BICDL2: variants seen among roughly 807,000 people sequenced by gnomAD.
The protein encoded by BICDL2 is BICD family-like cargo adapter 2.
A neutral mutation model predicts 56.6 loss-of-function variants in BICDL2; 62 were observed. The ratio of observed to expected loss-of-function variants is 1.10; its 90% confidence interval spans 0.89 to 1.35. The LOEUF is 1.35. Ranked by LOEUF, BICDL2 falls within the 40% of genes most tolerant of loss-of-function variation. The probability of loss-of-function intolerance (pLI) is 0.00; values close to 1 mark genes in which losing one functional copy is unlikely to be tolerated. For synonymous variants in BICDL2, 358 were observed against 319.8 expected (o/e 1.12, Z -1.27); for missense variants, 808 against 684.5 (o/e 1.18, Z -2.01).
Position 3,027,756 on chromosome 16 carries a change from C to T in BICDL2, c.*350G>A, listed in dbSNP as rs1301525688. 1.5e-6 allele frequency: 2 copies of T among 1,341,426 alleles called. No individual in the cohort carries two copies. The highest frequency in any genetic ancestry group is 2.6e-5 in the Admixed American group (1 of 38,810). 83.1% of individuals were successfully genotyped at this position (1,341,426 alleles called of 1,614,324 possible). On this transcript the variant is annotated 3_prime_UTR_variant, in exon 10 of 10. Transcript: ENST00000572449. ...TAAAGTTTCAGGCTTTTTTACCATG[C>T]TCTTTCTTTCTATGAATGGGGGCCA...
chr16:3,031,688 G>C, intron 2 of BICDL2: 1 of 401,714 alleles, frequency 2.5e-6, no homozygotes, highest in African/African-American at 2.1e-5. Flanking sequence ...GATGAATCGG[G>C]GGTTAACCTC....
intron 2 of BICDL2, chr16:3,031,441 G>A (rs1955653145): frequency 3.7e-6 from 2 of 535,102 alleles, no homozygotes; most frequent in African/African-American, 3.8e-5. Flanking sequence ...CTGGACCTGA[G>A]GTCGCAAGCG....
chr16:3,031,953 A>G (rs1955662928), intron 2 of BICDL2: 1 of 154,034 alleles, frequency 6.5e-6, no homozygotes, highest in African/African-American at 2.4e-5. Context: ...TTATTTTGAG[A>G]CAGATCTTTA....
intron 2 of BICDL2, among the ~76,000 whole-genome samples, chr16:3,033,348 A>G (rs925674102): frequency 4.0e-5 from 6 of 151,858 alleles, no homozygotes; most frequent in Non-Finnish European, 8.8e-5. Flanking sequence ...GACTCAGGAG[A>G]AGGTGGCTGG....
At chr16:3,028,597 C>G (rs1955595483) in intron 8 of BICDL2, 103 bp downstream of exon 8, 1 of 1,503,426 alleles carries the variant, frequency 6.7e-7, no homozygotes, top group African/African-American at 1.6e-5. Context: ...CAGGGGGCCC[C>G]TGGGTGGGAG....
intron 5 of BICDL2, 163 bp from the exon 6 acceptor site, chr16:3,029,902 C>A: frequency 1.7e-6 from 1 of 595,992 alleles, no homozygotes; most frequent in Non-Finnish European, 2.8e-6. Flanking sequence ...CCGTGCACCT[C>A]CCTCAGCGGA....
Position 3,031,565 on chromosome 16 carries a change from C to T in BICDL2, c.283-415G>A, listed in dbSNP as rs576306586. 5.8e-5 allele frequency: 24 copies of T among 415,600 alleles called. No homozygotes were observed. In the South Asian group the frequency reaches 1.6e-3, roughly 28 times the overall value. The allele number at this position is 415,600 out of a possible 1,614,324, so 25.7% of individuals were successfully genotyped here. On this transcript the variant is annotated intron_variant, in intron 2 of 9. Coordinates refer to ENST00000572449, the MANE Select transcript of BICDL2 (RefSeq NM_001369667.1). The stretch of plus-strand genomic sequence containing the variant: ...ACTCTGCCCAGCCCCCTCCCCAGCT[C>T]CTCCTAGCCAGTTCCCTCTAATTAA...
In BICDL2 at chr16:3,028,780, C is replaced by T; in HGVS notation, c.1158G>A (p.Arg386=). The part of the protein sequence containing the change: ...ELQSLREELQ[R]QKELRAQEDP... ...CTTCCTGCGCCCGCAGCTCCTTCTG[C>T]CTCTGCAGCTCTTCCCGCAGGGACT... The change falls in exon 8 of 10, where the codon AGG becomes AGA. Residue 386 remains arginine (R), a synonymous_variant. Coordinates refer to ENST00000572449, the MANE Select transcript of BICDL2 (RefSeq NM_001369667.1). The T allele has an allele frequency of 6.4e-7, 1 of 1,558,222 alleles. No individual in the cohort carries two copies. Among genetic ancestry groups the T allele is most frequent in the Non-Finnish European group, 8.7e-7 (1 of 1,151,428 alleles).
chr16:3,034,668 CCTTCCTT>C (rs1955702819), intron 2 of BICDL2, among the ~76,000 whole-genome samples: 1 of 143,970 alleles, frequency 6.9e-6, no homozygotes, highest in African/African-American at 2.7e-5. Flanking sequence ...CTCCTTCCTT[CCTTCCTT>C]CCTTCCTTCC....
intron 2 of BICDL2, 125 bp downstream of exon 2, chr16:3,035,090 C>G (rs919369338): frequency 3.4e-5 from 34 of 1,012,324 alleles, no homozygotes; most frequent in South Asian, 2.8e-4. Context: ...AAGTGCCCCC[C>G]TCGCCCGGCT....
At chr16:3,028,564 G>T in intron 8 of BICDL2, 96 bp from the exon 9 acceptor site, 1 of 1,532,844 alleles carries the variant, frequency 6.5e-7, no homozygotes. Context: ...GAGGAGGGCT[G>T]CAAACACCTA....
At position 3,029,441 on chromosome 16, in the gene BICDL2, A is replaced by T. The variant is rs1271640138; in HGVS notation, c.958-12T>A. On this transcript the variant is annotated splice_polypyrimidine_tract_variant and intron_variant, in intron 6 of 9. Transcript: ENST00000572449. ...GGGGACCGGGTGGTCTGTGGGCCAA[A>T]GAAATGGGTTAGTGGTGTGGAGTTT... is the stretch of plus-strand genomic sequence containing the variant. 6.2e-7 allele frequency: 1 copy of T among 1,600,110 alleles called. No individual in the cohort carries two copies. Among genetic ancestry groups the T allele is most frequent in the East Asian group, 2.2e-5 (1 of 44,850 alleles).
At chr16:3,032,947 A>T (rs565577153) in intron 2 of BICDL2, 1 of 152,088 alleles carries the variant, frequency 6.6e-6, no homozygotes, top group Non-Finnish European at 1.5e-5. Flanking sequence ...GAGTGAAATG[A>T]TCTGATTTGC....
chr16:3,036,140 A>T (rs1567425102), intron 1 of BICDL2: 2 of 400,062 alleles, frequency 5.0e-6, no homozygotes, highest in African/African-American at 4.2e-5. Context: ...CCCACCAAGG[A>T]TTCCCACCCC....
rs772583130 is a variant in BICDL2, at chr16:3,028,371, T to G, written c.1336A>C (p.Thr446Pro). The change falls in exon 9 of 10, where the codon ACG (threonine) becomes CCG (proline). Residue 446 changes from threonine (T) to proline (P), a missense_variant. Thr to Pro is a conservative substitution (Grantham distance 38, BLOSUM62 -1). Coordinates refer to ENST00000572449, the MANE Select transcript of BICDL2 (RefSeq NM_001369667.1). ...ACCTGCCAGGCCTCCAGCTCCTGCG[T>G]GAGCGCCACCTTCTGGCGGATGGCG... ...LRAIRQKVAL[T>P]QELEAWQDDM... 6.4e-7 allele frequency: 1 copy of G among 1,550,736 alleles called. No individual in the cohort carries two copies. Among genetic ancestry groups the G allele is most frequent in the South Asian group, 1.2e-5 (1 of 85,644 alleles).
Position 3,031,116 on chromosome 16 carries a change from C to A in BICDL2, c.317G>T (p.Gly106Val), listed in dbSNP as rs748471860. The part of the protein sequence containing the change: ...LQQENHELRR[G>V]LAARGAEWEA... ...CCACTCGGCTCCTCGGGCTGCCAGG[C>A]CTCGCCGGAGCTCATGGTTCTCCTG... Residue 106 changes from glycine (G) to valine (V), a missense_variant, in exon 3 of 10, where the codon GGC becomes GTC. Coordinates refer to ENST00000572449, the MANE Select transcript of BICDL2 (RefSeq NM_001369667.1). The A allele has an allele frequency of 1.3e-6, 2 of 1,535,796 alleles. No homozygotes were observed. The highest frequency in any genetic ancestry group is 2.4e-5 in the South Asian group (2 of 83,962).
intron 8 of BICDL2, 94 bp downstream of exon 8, chr16:3,028,606 A>G: frequency 1.6e-5 from 23 of 1,474,968 alleles, no homozygotes; most frequent in Non-Finnish European, 2.0e-5. Context: ...CCTGGGTGGG[A>G]GTGGGGATCA....
chr16:3,028,759 C>T lies in BICDL2; in HGVS notation c.1179G>A (p.Gln393=), dbSNP rs1405555082. Residue 393 remains glutamine, a synonymous_variant, in exon 8 of 10, where the codon CAG becomes CAA. Coordinates refer to ENST00000572449, the MANE Select transcript of BICDL2 (RefSeq NM_001369667.1). ...ELQRQKELRA[Q]EDPGEALHSA... is the part of the protein sequence containing the mutation. ...TGTGCAGGGCCTCCCCAGGGTCTTCCTGCGCCCGCAGCTCCTTCTGCCTCT... is the reference window on the plus strand; with the variant it reads ...TGTGCAGGGCCTCCCCAGGGTCTTCTTGCGCCCGCAGCTCCTTCTGCCTCT... The T allele has an allele frequency of 1.3e-6, 2 of 1,561,048 alleles. No individual in the cohort carries two copies. The highest frequency in any genetic ancestry group is 1.2e-5 in the South Asian group (1 of 84,724).
chr16:3,034,981 A>G, intron 2 of BICDL2: 1 of 540,706 alleles, frequency 1.8e-6, no homozygotes, highest in Non-Finnish European at 3.3e-6. Context: ...AAGTGCTGGG[A>G]TTACAGGTGT....
Sources: allele counts gnomAD v4.1 joint callset (sites outside exome capture counted in the v4.1 genomes callset), GRCh38; gene constraint gnomAD v4.1.1; transcripts MANE v1.5; gene names NCBI Gene and HGNC (gene_info 2026-07-23, HGNC 2026-07-21).